Variants in IPO11 observed in about 807,000 individuals in gnomAD.
IPO11 encodes importin-11.
Under a neutral mutation model 143.2 loss-of-function variants are expected in IPO11, and 66 were observed. The observed-to-expected ratio is 0.46, with a 90% confidence interval of 0.38 to 0.57. The LOEUF (loss-of-function observed/expected upper bound fraction) is 0.57, where lower values mean the gene tolerates loss of function less well. IPO11 is among the 20% of genes least tolerant of loss of function. The pLI, the probability that IPO11 is intolerant of heterozygous loss-of-function variation, is 0.00. For missense variants in IPO11, 1,026 were observed against 1,141.0 expected, an observed-to-expected ratio of 0.90 and a Z score of 1.45; for synonymous variants, 385 against 377.8, an observed-to-expected ratio of 1.02 and a Z score of -0.22.
intron 27 of IPO11, among the ~76,000 whole-genome samples, chr5:62,564,810 A>T (rs1431068315): frequency 6.6e-6 from 1 of 152,168 alleles, no homozygotes; most frequent in Non-Finnish European, 1.5e-5. Context: ...AAACTCTTTT[A>T]CTCTAACCCA....
chr5:62,467,102 T>G, intron 5 of IPO11, 29 bp from the exon 6 acceptor site: 1 of 1,592,082 alleles, frequency 6.3e-7, no homozygotes. Flanking sequence ...TAATACACTA[T>G]GAATAAATTT....
chr5:62,423,255 C>T (rs960284625), intron 1 of IPO11, among the ~76,000 whole-genome samples: 1 of 152,054 alleles, frequency 6.6e-6, no homozygotes, highest in Non-Finnish European at 1.5e-5. Flanking sequence ...TGTCTCTTAC[C>T]TTTTCTGTCT....
In IPO11 at chr5:62,506,346, G is replaced by T; in HGVS notation, c.1771G>T (p.Val591Phe). ...TGTCCTTTCTTGTGTGATCGAAAGA[G>T]TCAACATGCAGGTAATTATATTGTA... ...LHVLSCVIER[V>F]NMQIRPYVGC... Residue 591 changes from valine (V) to phenylalanine (F), a missense_variant, in exon 19 of 30, where the codon GTC becomes TTC. Val to Phe is a conservative substitution (Grantham distance 50). Around this residue, in one of 5 missense-constraint regions of IPO11, gnomAD observed 237 missense variants for 288.0 expected, o/e 0.82. Transcript: ENST00000325324. 1 of 1,573,434 alleles carries T rather than the reference G, an allele frequency of 6.4e-7. No homozygotes were observed.
chr5:62,468,352 G>A (rs989991110), intron 6 of IPO11, among the ~76,000 whole-genome samples: 4 of 152,070 alleles, frequency 2.6e-5, no homozygotes, highest in African/African-American at 7.2e-5. Flanking sequence ...TCTTGGCATC[G>A]CCTTAATACA....
At chr5:62,580,668 T>G (rs1232815231) in intron 27 of IPO11, 1 of 1,551,528 alleles carries the variant, frequency 6.4e-7, no homozygotes, top group Admixed American at 2.0e-5. Flanking sequence ...CTTCAATAAA[T>G]GTATCCAGAG....
intron 24 of IPO11, among the ~76,000 whole-genome samples, chr5:62,549,962 G>A (rs796157300): frequency 1.0e-3 from 158 of 152,228 alleles, no homozygotes; most frequent in African/African-American, 3.6e-3. Flanking sequence ...AGTGAGTATA[G>A]GTGTTACTAA....
intron 29 of IPO11, among the ~76,000 whole-genome samples, chr5:62,616,878 T>G (rs986741860): frequency 4.6e-5 from 7 of 152,216 alleles, no homozygotes; most frequent in Non-Finnish European, 1.0e-4. Context: ...CATCACATTT[T>G]GTCATTTCTA....
intron 16 of IPO11, among the ~76,000 whole-genome samples, 191 bp from the exon 17 acceptor site, chr5:62,504,476 A>G (rs905070255): frequency 2.0e-5 from 3 of 152,186 alleles, no homozygotes; most frequent in Admixed American, 6.5e-5. Context: ...AATAAATGCT[A>G]CTTTACCTTT....
chr5:62,468,108 A>G (rs986089603), intron 6 of IPO11, among the ~76,000 whole-genome samples: 1 of 151,960 alleles, frequency 6.6e-6, no homozygotes, highest in African/African-American at 2.4e-5. Context: ...CCACTGCACC[A>G]GGCTGATTTT....
chr5:62,604,514 G>A (rs1302933748), intron 29 of IPO11, among the ~76,000 whole-genome samples: 1 of 152,074 alleles, frequency 6.6e-6, no homozygotes, highest in African/African-American at 2.4e-5. Context: ...CCTGGCCTAT[G>A]TGGTATCTTA....
At chr5:62,520,276 T>G (rs551450222) in intron 20 of IPO11, among the ~76,000 whole-genome samples, 1 of 152,236 alleles carries the variant, frequency 6.6e-6, no homozygotes, top group Non-Finnish European at 1.5e-5. Context: ...CTTAGTACAC[T>G]TAGTTGTCTA....
intron 22 of IPO11, among the ~76,000 whole-genome samples, chr5:62,532,340 G>T (rs1294803905): frequency 6.6e-6 from 1 of 151,782 alleles, no homozygotes; most frequent in Non-Finnish European, 1.5e-5. Flanking sequence ...TTTTTTTGTT[G>T]GTGGTGGTTC....
At chr5:62,535,837 A>C (rs1218224955) in intron 22 of IPO11, among the ~76,000 whole-genome samples, 1 of 152,188 alleles carries the variant, frequency 6.6e-6, no homozygotes. Context: ...ATAATTTCTA[A>C]AATACTTGCA....
At chr5:62,517,699 G>A (rs948477210) in intron 20 of IPO11, among the ~76,000 whole-genome samples, 3 of 152,124 alleles carry the variant, frequency 2.0e-5, no homozygotes, top group Admixed American at 1.3e-4. Flanking sequence ...CACTGCTCCC[G>A]GCCTCCAAGA....
chr5:62,432,396 TACTG>T (rs1561307534), intron 1 of IPO11, among the ~76,000 whole-genome samples: 1 of 152,188 alleles, frequency 6.6e-6, no homozygotes, highest in Non-Finnish European at 1.5e-5. Flanking sequence ...GTATGAGAAA[TACTG>T]GCTGGCTGGC....
Position 62,617,463 on chromosome 5 carries a change from TG to T in IPO11, c.2764-9689del, listed in dbSNP as rs1746183134. ...GAAGTAATAGAATTAAAGGCAGTGC[TG>T]GATAGTGGCACTTTTAGATATCTAG... is the stretch of plus-strand genomic sequence containing the variant. On this transcript the variant is annotated intron_variant, in intron 29 of 29. Coordinates refer to ENST00000325324, the MANE Select transcript of IPO11 (RefSeq NM_016338.5). 2.6e-5 allele frequency among the ~76,000 whole-genome samples: 4 copies of T among 152,322 alleles called. No individual in the cohort carries two copies. The South Asian group carries it at 8.3e-4, about 32-fold the overall frequency.
At chr5:62,558,066 A>G (rs1453410074) in intron 26 of IPO11, among the ~76,000 whole-genome samples, 1 of 152,218 alleles carries the variant, frequency 6.6e-6, no homozygotes, top group African/African-American at 2.4e-5. Flanking sequence ...TTAATTATAA[A>G]TTCTGCAGCC....
chr5:62,513,680 GCGGGGGGCTGAGCCCCCCACCCCCGGA>G lies in IPO11; in HGVS notation c.1783-1702_1783-1676del, dbSNP rs1172486561. Among the ~76,000 whole-genome samples the G allele has an allele frequency of 3.9e-4, 56 of 142,872 alleles. 1 individual carries two copies. Among genetic ancestry groups the G allele is most frequent in the African/African-American group, 1.3e-3 (51 of 38,434 alleles). 93.7% of individuals were successfully genotyped at this position (142,872 alleles called of 152,430 possible). On this transcript the variant is annotated intron_variant, in intron 19 of 29. Transcript: ENST00000325324. ...CCTCCCGGACAGGGCGGTTGGCCGGGCGGGGGGCTGAGCCCCCCACCCCCGGACGGGGCGGCTGGCCGGGTGGGGGGC... is the reference window on the plus strand; with the variant it reads ...CCTCCCGGACAGGGCGGTTGGCCGGGCGGGGCGGCTGGCCGGGTGGGGGGC...
chr5:62,542,183 A>C (rs1182989531), intron 24 of IPO11, among the ~76,000 whole-genome samples: 1 of 152,060 alleles, frequency 6.6e-6, no homozygotes, highest in Non-Finnish European at 1.5e-5. Context: ...AGAATGAAAA[A>C]TTGAGAATCT....
Sources: gnomAD v4.1 joint callset for allele counts (sites outside exome capture counted in the v4.1 genomes callset) on GRCh38, gnomAD v4.1.1 for gene constraint, gnomAD v4.1.1 regional missense constraint, MANE v1.5 for transcripts, NCBI Gene and HGNC (gene_info 2026-07-23, HGNC 2026-07-21) for gene names.